CDKN2B-AS1: variants seen among roughly 807,000 people sequenced by gnomAD.
CDKN2B-AS1 encodes CDKN2B and CDKN2A antisense cis and trans regulatory RNA 1, also known as CDKN2B antisense RNA 1 (non-protein coding).
chr9:22,003,608 C>T (rs1403172358), intron 1 of CDKN2B-AS1: 6 of 229,228 alleles, frequency 2.6e-5, no homozygotes, highest in African/African-American at 1.3e-4. Flanking sequence ...AATACTGTAA[C>T]TTTAAAAATA....
rs1157995763 is a variant in CDKN2B-AS1 at position 22,005,936 on chromosome 9, G to A, written n.29+10775G>A. ...TCATCGAATTAGGTGGGTGGGGGTG[G>A]GAAATTGGGTAAGAAAATAAAGTCG... is the stretch of plus-strand genomic sequence containing the variant. On this transcript the variant is annotated intron_variant and non_coding_transcript_variant, in intron 1 of 4. Transcript: ENST00000650946. The surrounding 1 kb of genome is among the most constrained non-coding windows in gnomAD (Gnocchi z 4.9). 1 of 1,592,744 alleles carries A rather than the reference G, an allele frequency of 6.3e-7. No individual in the cohort carries two copies. Among genetic ancestry groups the A allele is most frequent in the East Asian group, 2.2e-5 (1 of 44,694 alleles).
intron 4 of CDKN2B-AS1, among the ~76,000 whole-genome samples, chr9:22,122,323 A>G (rs1826120133): frequency 6.6e-6 from 1 of 152,122 alleles, no homozygotes; most frequent in Admixed American, 6.5e-5. Flanking sequence ...GTAGTTTGCA[A>G]ATATTTTCTT....
chr9:22,002,375 A>C (rs1820957606), intron 1 of CDKN2B-AS1, among the ~76,000 whole-genome samples: 1 of 152,044 alleles, frequency 6.6e-6, no homozygotes, highest in Admixed American at 6.6e-5. Context: ...CATTGTAAAA[A>C]TTATGCTCTA....
In CDKN2B-AS1 at chr9:22,006,230, G is replaced by A. The variant is rs531754702; in HGVS notation, n.29+11069G>A. 5.0e-6 allele frequency: 8 copies of A among 1,606,182 alleles called. No homozygotes were observed. In the East Asian group the frequency reaches 6.7e-5, roughly 13 times the overall value. On this transcript the variant is annotated intron_variant and non_coding_transcript_variant, in intron 1 of 4. Coordinates refer to ENST00000650946, the Ensembl canonical transcript of CDKN2B-AS1. The surrounding 1 kb of genome is among the most constrained non-coding windows in gnomAD (Gnocchi z 6.4). ...GCAGCAGCAGCTCCGCCACGCGGGC[G>A]CTGCCCATCATCATGACCTGCCAGA...
intron 4 of CDKN2B-AS1, among the ~76,000 whole-genome samples, chr9:22,107,545 G>C (rs1310608106): frequency 6.6e-6 from 1 of 152,076 alleles, no homozygotes; most frequent in South Asian, 2.1e-4. Flanking sequence ...CCCACACCCC[G>C]AGTCCTTGTA....
chr9:22,102,526 T>C (rs958148937), intron 4 of CDKN2B-AS1, among the ~76,000 whole-genome samples: 1 of 152,204 alleles, frequency 6.6e-6, no homozygotes, highest in East Asian at 1.9e-4. Context: ...GGGGAGAATC[T>C]GTTCCTTGCC....
chr9:22,105,359 G>C (rs1825622220), intron 4 of CDKN2B-AS1, among the ~76,000 whole-genome samples: 1 of 152,132 alleles, frequency 6.6e-6, no homozygotes, highest in African/African-American at 2.4e-5. Context: ...CATTTATTTA[G>C]CTCATGAATT....
At chr9:22,015,303 A>G (rs1459231637) in intron 1 of CDKN2B-AS1, among the ~76,000 whole-genome samples, 2 of 151,128 alleles carry the variant, frequency 1.3e-5, no homozygotes, top group Non-Finnish European at 2.9e-5. Context: ...CTATTTCTAG[A>G]CTCTTTATTA....
intron 1 of CDKN2B-AS1, among the ~76,000 whole-genome samples, chr9:22,023,135 G>A (rs533459501): frequency 1.3e-5 from 2 of 152,090 alleles, no homozygotes; most frequent in African/African-American, 4.8e-5. Flanking sequence ...TCTTACTGGG[G>A]TTCTCTGCAT....
chr9:22,008,678 C>CG (rs1563916449), intron 1 of CDKN2B-AS1: 1 of 1,608,848 alleles, frequency 6.2e-7, no homozygotes, highest in Non-Finnish European at 8.5e-7. Context: ...TGCACACCTC[C>CG]GGCCAACGGA....
chr9:22,006,241 T>C lies in CDKN2B-AS1; in HGVS notation n.29+11080T>C. On this transcript the variant is annotated intron_variant and non_coding_transcript_variant, in intron 1 of 4. Transcript: ENST00000650946. The surrounding 1 kb of genome is among the most constrained non-coding windows in gnomAD (Gnocchi z 6.4). ...TCCGCCACGCGGGCGCTGCCCATCA[T>C]CATGACCTGCCAGAGAGAGCAGAGT... 1 of 1,605,308 alleles carries C rather than the reference T, an allele frequency of 6.2e-7. No individual in the cohort carries two copies. Among genetic ancestry groups the C allele is most frequent in the Non-Finnish European group, 8.5e-7 (1 of 1,179,896 alleles).
intron 4 of CDKN2B-AS1, among the ~76,000 whole-genome samples, chr9:22,098,459 G>A (rs1157807457): frequency 2.0e-5 from 3 of 149,844 alleles, no homozygotes; most frequent in Admixed American, 2.0e-4. Context: ...GAAACAACAC[G>A]ATATGTATCA....
chr9:22,014,052 C>G (rs1303732903), intron 1 of CDKN2B-AS1, among the ~76,000 whole-genome samples: 2 of 152,024 alleles, frequency 1.3e-5, no homozygotes, highest in East Asian at 3.8e-4. Flanking sequence ...ATTCTAGCAG[C>G]CATGGATAAT....
chr9:22,013,293 T>G (rs1490014170), intron 1 of CDKN2B-AS1, among the ~76,000 whole-genome samples: 1 of 152,238 alleles, frequency 6.6e-6, no homozygotes, highest in Non-Finnish European at 1.5e-5. Flanking sequence ...GTGACAGAAT[T>G]TAACCCATAA....
rs1022137803 is a variant in CDKN2B-AS1 at position 22,000,012 on chromosome 9, A to G, written n.29+4851A>G. On this transcript the variant is annotated intron_variant and non_coding_transcript_variant, in intron 1 of 4. Coordinates refer to ENST00000650946, the Ensembl canonical transcript of CDKN2B-AS1. The surrounding 1 kb of genome is among the most constrained non-coding windows in gnomAD (Gnocchi z 4.1). ...GGTAGTAAGAATGAGGGTGGGAAAA[A>G]TTTCAGATTTTTGCTTACTACTTTT... 4.6e-5 allele frequency among the ~76,000 whole-genome samples: 7 copies of G among 152,122 alleles called. No homozygotes were observed. Among genetic ancestry groups the G allele is most frequent in the Non-Finnish European group, 1.0e-4 (7 of 67,990 alleles).
intron 4 of CDKN2B-AS1, among the ~76,000 whole-genome samples, chr9:22,103,739 C>G (rs1304316734): frequency 6.6e-6 from 1 of 152,082 alleles, no homozygotes; most frequent in Non-Finnish European, 1.5e-5. Flanking sequence ...ACAGCCAACC[C>G]CCTGTATTGT....
At chr9:22,075,492 G>C (rs1249887476) in intron 4 of CDKN2B-AS1, among the ~76,000 whole-genome samples, 1 of 152,232 alleles carries the variant, frequency 6.6e-6, no homozygotes, top group Non-Finnish European at 1.5e-5. Flanking sequence ...AGGATGAACA[G>C]GAATTATCCT....
chr9:22,093,894 T>A (rs1825184120), intron 4 of CDKN2B-AS1, among the ~76,000 whole-genome samples: 1 of 144,816 alleles, frequency 6.9e-6, no homozygotes, highest in Non-Finnish European at 1.5e-5. Context: ...CATTAGTTGA[T>A]GAAGTTTCTT....
intron 1 of CDKN2B-AS1, among the ~76,000 whole-genome samples, chr9:22,021,117 T>C (rs1044729322): frequency 8.5e-5 from 13 of 152,200 alleles, no homozygotes; most frequent in African/African-American, 3.1e-4. Flanking sequence ...CCCAGCACCA[T>C]TTATTGAATA....
Sources: gnomAD v4.1 joint callset for allele counts (sites outside exome capture counted in the v4.1 genomes callset) on GRCh38, gnomAD v4.1.1 for gene constraint, Gnocchi (gnomAD v3.1) non-coding constraint, MANE v1.5 for transcripts, NCBI Gene and HGNC (gene_info 2026-07-23, HGNC 2026-07-21) for gene names.